Variants in ALG8 observed in about 807,000 individuals in gnomAD.
The protein encoded by ALG8 is ALG8 alpha-1,3-glucosyltransferase.
Under a neutral mutation model 70.2 loss-of-function variants are expected in ALG8, and 48 were observed. The ratio of observed to expected loss-of-function variants is 0.68; its 90% CI spans 0.54 to 0.87. The LOEUF (loss-of-function observed/expected upper bound fraction) is 0.87, where lower values mean the gene tolerates loss of function less well. Among genes scored for constraint, ALG8 ranks in the 40% least tolerant of loss-of-function variants. The pLI, the probability that ALG8 is intolerant of heterozygous loss-of-function variation, is 0.00. For synonymous variants in ALG8, 234 were observed against 229.0 expected (o/e 1.02, Z -0.20); for missense variants, 572 against 608.7 (o/e 0.94, Z 0.64).
At chr11:78,121,547 T>C (rs1860825134) in intron 3 of ALG8, among the ~76,000 whole-genome samples, 1 of 146,906 alleles carries the variant, frequency 6.8e-6, no homozygotes, top group African/African-American at 2.6e-5. Flanking sequence ...AGTAAGACCT[T>C]CTCACTAGAA....
intron 1 of ALG8, among the ~76,000 whole-genome samples, chr11:78,135,771 C>A (rs1182766682): frequency 6.6e-6 from 1 of 151,742 alleles, no homozygotes. Context: ...TCACTCGAAC[C>A]CGGGAAGCTG....
In ALG8 at chr11:78,126,167, A is replaced by G. The variant is rs539640997; in HGVS notation, c.174+1191T>C. Among the ~76,000 whole-genome samples the G allele has an allele frequency of 1.1e-3, 165 of 151,900 alleles. 1 individual carries two copies. Among genetic ancestry groups the G allele is most frequent in the African/African-American group, 3.9e-3 (162 of 41,426 alleles). Reference sequence around the variant, plus strand: ...GAGCGAGACTCCGTCTCAAAAAAAAAAGAAGAAATTTCTGGAGTAATGTCT... The same window carrying G: ...GAGCGAGACTCCGTCTCAAAAAAAAGAGAAGAAATTTCTGGAGTAATGTCT... On this transcript the variant is annotated intron_variant, in intron 2 of 12. Transcript: ENST00000299626.
At chr11:78,130,416 G>A (rs531932356) in intron 1 of ALG8, among the ~76,000 whole-genome samples, 2 of 151,870 alleles carry the variant, frequency 1.3e-5, no homozygotes, top group Admixed American at 6.6e-5. Flanking sequence ...GGGAGTGGCT[G>A]GAAAGATGCC....
intron 3 of ALG8, among the ~76,000 whole-genome samples, 194 bp from the exon 4 acceptor site, chr11:78,121,368 C>T (rs905153886): frequency 1.3e-5 from 2 of 149,154 alleles, no homozygotes; most frequent in African/African-American, 4.9e-5. Flanking sequence ...TGATCTCGAA[C>T]TCCTGGGCTC....
chr11:78,123,587 G>A (rs1485595465), intron 3 of ALG8, among the ~76,000 whole-genome samples: 4 of 152,152 alleles, frequency 2.6e-5, no homozygotes, highest in East Asian at 1.9e-4. Context: ...TGAAAGCTCC[G>A]TAAAAGCAGA....
rs779340536 is a variant in ALG8 at position 78,106,869 on chromosome 11, G to A, written c.1116C>T (p.Ser372=). The stretch of plus-strand genomic sequence containing the variant: ...GAACATGCCACCCAAACATAAAGGA[G>A]CTCAAGGCACAAAGAGTTAGACATC... ...FLRCLTLCAL[S]SFMFGWHVHE... Residue 372 remains serine, a synonymous_variant, in exon 10 of 13, where the codon AGC becomes AGT. Coordinates refer to ENST00000299626, the MANE Select transcript of ALG8 (RefSeq NM_024079.5). 1.2e-6 allele frequency: 2 copies of A among 1,614,124 alleles called. No homozygotes were observed. The highest frequency in any genetic ancestry group is 1.7e-6 in the Non-Finnish European group (2 of 1,180,012).
At chr11:78,128,465 T>G (rs1162188791) in intron 1 of ALG8, among the ~76,000 whole-genome samples, 2 of 152,188 alleles carry the variant, frequency 1.3e-5, no homozygotes, top group Non-Finnish European at 2.9e-5. Context: ...AGTCATGGCT[T>G]TCCCTTCCTA....
intron 10 of ALG8, among the ~76,000 whole-genome samples, chr11:78,105,253 T>C (rs936899711): frequency 6.6e-6 from 1 of 152,220 alleles, no homozygotes; most frequent in South Asian, 2.1e-4. Flanking sequence ...TTGCTTAATA[T>C]ATGTTCAGAG....
At chr11:78,130,010 AC>A (rs1861234776) in intron 1 of ALG8, among the ~76,000 whole-genome samples, 1 of 152,164 alleles carries the variant, frequency 6.6e-6, no homozygotes, top group Non-Finnish European at 1.5e-5. Flanking sequence ...AACAAAAAAA[AC>A]CCAAACAAAA....
At chr11:78,106,681 C>G in intron 10 of ALG8, 126 bp downstream of exon 10, 1 of 1,253,214 alleles carries the variant, frequency 8.0e-7, no homozygotes. Flanking sequence ...TCCTAGTGGA[C>G]ATCTGTTCCT....
chr11:78,100,994 G>C lies in ALG8; in HGVS notation c.1551C>G (p.Asp517Glu). Residue 517 changes from aspartate (D) to glutamate (E), a missense_variant, in exon 13 of 13, where the codon GAC becomes GAG. Asp to Glu is a conservative substitution (Grantham distance 45). Coordinates refer to ENST00000299626, the MANE Select transcript of ALG8 (RefSeq NM_024079.5). ...WFKLYVSVLIDSAIGKTKKQ is the reference protein window; with the variant it reads ...WFKLYVSVLIESAIGKTKKQ ...GTTTCTTTGTCTTGCCAATAGCAGA[G>C]TCAATCAATACTGAAACATACAGTT... is the stretch of plus-strand genomic sequence containing the variant. 1 of 1,614,138 alleles carries C rather than the reference G, an allele frequency of 6.2e-7. No individual in the cohort carries two copies. Among genetic ancestry groups the C allele is most frequent in the Non-Finnish European group, 8.5e-7 (1 of 1,179,984 alleles).
At chr11:78,117,340 T>G (rs536326668) in intron 5 of ALG8, among the ~76,000 whole-genome samples, 56 of 152,224 alleles carry the variant, frequency 3.7e-4, no homozygotes, top group African/African-American at 1.1e-3. Flanking sequence ...AAATCTGAAT[T>G]TCTGATTTCC....
In ALG8 at chr11:78,109,501, T is replaced by A. The variant is rs1204595937; in HGVS notation, c.979A>T (p.Thr327Ser). 5.0e-6 allele frequency: 8 copies of A among 1,614,212 alleles called. No homozygotes were observed. The highest frequency in any genetic ancestry group is 5.9e-6 in the Non-Finnish European group (7 of 1,180,012). Residue 327 changes from threonine (T) to serine (S), a missense_variant, in exon 9 of 13, where the codon ACA (threonine) becomes TCA (serine). Physicochemically the swap from Thr to Ser is moderately conservative, Grantham distance 58. Transcript: ENST00000299626. The stretch of plus-strand genomic sequence containing the variant: ...AAGGGAGTCACTGAGGGAAGGACTG[T>A]GTGTTGGAACTGCTGAACCAAACCA... ...TSGLVQQFQH[T>S]VLPSVTPLAT...
rs1192507872 is a variant in ALG8, at chr11:78,127,712, C to CTTTTTTT, written c.96-283_96-277dup. Among the ~76,000 whole-genome samples, 9 of 132,908 alleles carry CTTTTTTT rather than the reference C, an allele frequency of 6.8e-5. No homozygotes were observed. The South Asian group carries it at 6.9e-4, about 10-fold the overall frequency. 87.2% of individuals were successfully genotyped at this position (132,908 alleles called of 152,430 possible). A position where few individuals can be genotyped will look rare whatever the true frequency, so the allele number is the denominator to read the frequency against. ...AGCCCAGACTTTCTCTTTTTCTTTTCTTTTTTTTTTTTTTTGAGGCGGAGT... is the reference window on the plus strand; with the variant it reads ...AGCCCAGACTTTCTCTTTTTCTTTTCTTTTTTTTTTTTTTTTTTTTTTGAGGCGGAGT... On this transcript the variant is annotated intron_variant, in intron 1 of 12. Transcript: ENST00000299626.
At chr11:78,110,022 T>G (rs1421794392) in intron 8 of ALG8, among the ~76,000 whole-genome samples, 1 of 152,228 alleles carries the variant, frequency 6.6e-6, no homozygotes, top group East Asian at 1.9e-4. Context: ...CTTTGTTAAA[T>G]GCGGCTTGGC....
At chr11:78,131,726 A>G (rs575907468) in intron 1 of ALG8, among the ~76,000 whole-genome samples, 157 of 151,938 alleles carry the variant, frequency 1.0e-3, no homozygotes, top group Middle Eastern at 6.8e-3. Flanking sequence ...TTGGCCTTCC[A>G]AAGTGCTGGG....
chr11:78,138,263 C>T (rs541664591), intron 1 of ALG8, among the ~76,000 whole-genome samples: 21 of 151,142 alleles, frequency 1.4e-4, no homozygotes, highest in African/African-American at 4.9e-4. Flanking sequence ...GCAGGAGAAT[C>T]GTTTGAACCC....
At chr11:78,114,817 T>A in intron 5 of ALG8, 1 of 348,548 alleles carries the variant, frequency 2.9e-6, no homozygotes, top group Non-Finnish European at 5.6e-6. Flanking sequence ...AAATAAAAAA[T>A]AAAAAAAATT....
chr11:78,109,323 G>T, intron 9 of ALG8, 119 bp downstream of exon 9: 2 of 1,337,664 alleles, frequency 1.5e-6, no homozygotes, highest in Non-Finnish European at 2.1e-6. Flanking sequence ...TCTGCAGAAG[G>T]ATTACAGGCA....
Sources: allele counts gnomAD v4.1 joint callset (sites outside exome capture counted in the v4.1 genomes callset), GRCh38; gene constraint gnomAD v4.1.1; transcripts MANE v1.5; gene names NCBI Gene and HGNC (gene_info 2026-07-23, HGNC 2026-07-21).